Variants in ABCC9 observed in about 807,000 individuals in gnomAD.
ABCC9 encodes ATP-binding cassette sub-family C member 9.
Under a neutral mutation model 188.3 loss-of-function variants are expected in ABCC9, and 95 were observed. The ratio of observed to expected loss-of-function variants is 0.50; its 90% CI spans 0.43 to 0.60. The LOEUF (loss-of-function observed/expected upper bound fraction) is 0.60, where lower values mean the gene tolerates loss of function less well. Among genes scored for constraint, ABCC9 ranks in the 20% least tolerant of loss-of-function variants. The pLI is 0.00. For missense variants in ABCC9, 1,102 were observed against 1,876.3 expected, an observed-to-expected ratio of 0.59 and a Z score of 7.62; for synonymous variants, 659 against 652.7, an observed-to-expected ratio of 1.01 and a Z score of -0.15.
In ABCC9 at chr12:21,806,065, A is replaced by G; in HGVS notation, c.4450-5T>C. ...TACTTTTTGCAAAATATTCTCCTGC[A>G]AAAAAAAAAAAGTGTAAATTTTCTC... is the stretch of plus-strand genomic sequence containing the variant. On this transcript the variant is annotated splice_polypyrimidine_tract_variant and splice_region_variant and intron_variant, in intron 38 of 39. Transcript: ENST00000261200. The G allele has an allele frequency of 3.9e-6, 2 of 517,322 alleles. No individual in the cohort carries two copies. The highest frequency in any genetic ancestry group is 5.6e-6 in the Non-Finnish European group (2 of 356,784). The allele number at this position is 517,322 out of a possible 1,614,324, so 32.0% of individuals were successfully genotyped here. A position where few individuals can be genotyped will look rare whatever the true frequency, so the allele number is the denominator to read the frequency against.
chr12:21,903,007 C>G (rs1057318146), intron 12 of ABCC9, among the ~76,000 whole-genome samples: 23 of 152,148 alleles, frequency 1.5e-4, no homozygotes, highest in Non-Finnish European at 2.4e-4. Context: ...AATTTTAGAC[C>G]AATATCCCTG....
At chr12:21,855,214 T>C (rs964464341) in intron 22 of ABCC9, among the ~76,000 whole-genome samples, 2 of 152,090 alleles carry the variant, frequency 1.3e-5, no homozygotes, top group Admixed American at 6.6e-5. Context: ...CTGATATTTA[T>C]TTATTTATTT....
intron 17 of ABCC9, among the ~76,000 whole-genome samples, chr12:21,874,072 G>A (rs761316382): frequency 8.6e-5 from 13 of 151,938 alleles, no homozygotes; most frequent in Admixed American, 6.6e-4. Context: ...GGAGACCTAC[G>A]GGATGAGAGA....
Position 21,852,389 on chromosome 12 carries a change from C to T in ABCC9, c.2622G>A (p.Gln874=), listed in dbSNP as rs780938779. Residue 874 remains glutamine, a synonymous_variant, in exon 23 of 40, where the codon CAG becomes CAA. Coordinates refer to ENST00000261200, the MANE Select transcript of ABCC9 (RefSeq NM_020297.4). ...RTLVLVTHKL[Q]YLTHADWIIA... is the part of the protein sequence containing the mutation. Reference sequence around the variant, plus strand: ...TTACCCAGTCAGCATGCGTCAGATACTGTAATTTGTGAGTCACAAGAACGA... The same window carrying T: ...TTACCCAGTCAGCATGCGTCAGATATTGTAATTTGTGAGTCACAAGAACGA... The T allele has an allele frequency of 1.9e-6, 3 of 1,613,952 alleles. No individual in the cohort carries two copies. The highest frequency in any genetic ancestry group is 2.2e-5 in the East Asian group (1 of 44,852).
intron 31 of ABCC9, among the ~76,000 whole-genome samples, chr12:21,825,266 C>A (rs1943302013): frequency 6.6e-6 from 1 of 152,144 alleles, no homozygotes; most frequent in African/African-American, 2.4e-5. Context: ...CCAGAAATAC[C>A]ATTTGACCCA....
At chr12:21,830,582 G>C (rs373859461) in intron 30 of ABCC9, among the ~76,000 whole-genome samples, 1 of 152,196 alleles carries the variant, frequency 6.6e-6, no homozygotes, top group Non-Finnish European at 1.5e-5. Flanking sequence ...TATCCTGGGA[G>C]GGGTGTTCAT....
intron 29 of ABCC9, among the ~76,000 whole-genome samples, chr12:21,839,494 C>A (rs372100230): frequency 7.2e-5 from 11 of 152,146 alleles, no homozygotes; most frequent in African/African-American, 2.7e-4. Context: ...AAAACACAGA[C>A]ATATACTGAA....
chr12:21,860,675 G>C (rs1378388449), intron 21 of ABCC9, among the ~76,000 whole-genome samples: 2 of 152,172 alleles, frequency 1.3e-5, no homozygotes, highest in Non-Finnish European at 2.9e-5. Flanking sequence ...ATTACAGCAA[G>C]CTCCACGTAA....
chr12:21,888,821 A>G (rs1206723102), intron 14 of ABCC9, among the ~76,000 whole-genome samples: 1 of 152,150 alleles, frequency 6.6e-6, no homozygotes, highest in Non-Finnish European at 1.5e-5. Flanking sequence ...TGTAAACATC[A>G]TCCTAGAAAT....
chr12:21,864,848 C>T (rs1387211180), intron 18 of ABCC9, among the ~76,000 whole-genome samples: 1 of 152,094 alleles, frequency 6.6e-6, no homozygotes, highest in African/African-American at 2.4e-5. Flanking sequence ...GGCCTTCCAA[C>T]CTTTAAAATT....
At chr12:21,919,408 A>G (rs1032593593) in intron 5 of ABCC9, among the ~76,000 whole-genome samples, 3 of 151,978 alleles carry the variant, frequency 2.0e-5, no homozygotes, top group South Asian at 2.1e-4. Flanking sequence ...CATTATGACA[A>G]TATATCCAAA....
chr12:21,835,936 A>G (rs935809540), intron 30 of ABCC9, among the ~76,000 whole-genome samples: 7 of 152,110 alleles, frequency 4.6e-5, no homozygotes, highest in African/African-American at 1.7e-4. Flanking sequence ...ATCATCTTCA[A>G]TTTCCTAACT....
At position 21,912,962 on chromosome 12, in the gene ABCC9, A is replaced by G. The variant is rs2137891406; in HGVS notation, c.921T>C (p.Ala307=). ...ILLSSTFRYL[A]DLLGFAGPLC... is the part of the protein sequence containing the mutation. ...GAGGTCCAGCAAAACCCAGTAAATC[A>G]GCCAGATAGCGGAATGTGCTACTAA... The change falls in exon 8 of 40, where the codon GCT becomes GCC. Residue 307 remains alanine (A), a synonymous_variant. Coordinates refer to ENST00000261200, the MANE Select transcript of ABCC9 (RefSeq NM_020297.4). 1 of 1,613,748 alleles carries G rather than the reference A, an allele frequency of 6.2e-7. No homozygotes were observed. The highest frequency in any genetic ancestry group is 8.5e-7 in the Non-Finnish European group (1 of 1,179,760).
chr12:21,810,864 C>T (rs1942186955), intron 36 of ABCC9, among the ~76,000 whole-genome samples: 1 of 152,130 alleles, frequency 6.6e-6, no homozygotes, highest in Non-Finnish European at 1.5e-5. Flanking sequence ...ATCTTACATA[C>T]ATTTTTTCTT....
At chr12:21,911,588 A>G (rs1221928715) in intron 8 of ABCC9, among the ~76,000 whole-genome samples, 1 of 152,030 alleles carries the variant, frequency 6.6e-6, no homozygotes, top group Non-Finnish European at 1.5e-5. Flanking sequence ...GTTTGTAACA[A>G]TAGCATATGG....
intron 18 of ABCC9, 129 bp from the exon 19 acceptor site, chr12:21,864,606 A>C: frequency 1.4e-6 from 1 of 697,838 alleles, no homozygotes; most frequent in East Asian, 2.6e-5. Context: ...ATGGTTTCTG[A>C]TATTAATTTC....
Position 21,906,124 on chromosome 12 carries a change from A to C in ABCC9, c.1618+2T>G, listed in dbSNP as rs1273224034. The C allele has an allele frequency of 6.2e-7, 1 of 1,612,806 alleles. No homozygotes were observed. The highest frequency in any genetic ancestry group is 8.5e-7 in the Non-Finnish European group (1 of 1,179,026). The stretch of plus-strand genomic sequence containing the variant: ...CCTGTTCTTAGAGCAACAGCAACTT[A>C]CTGGAGAGTGATGTATATAGTGCAA... On this transcript the variant is annotated splice_donor_variant, in intron 12 of 39. Coordinates refer to ENST00000261200, the MANE Select transcript of ABCC9 (RefSeq NM_020297.4). LOFTEE classifies it high-confidence loss of function.
intron 32 of ABCC9, among the ~76,000 whole-genome samples, chr12:21,817,609 G>A (rs1448251941): frequency 6.6e-6 from 1 of 152,074 alleles, no homozygotes; most frequent in Non-Finnish European, 1.5e-5. Flanking sequence ...CACATTCATT[G>A]TAGGCTAGTC....
chr12:21,814,812 G>T, intron 34 of ABCC9, 90 bp from the exon 35 acceptor site: 3 of 965,374 alleles, frequency 3.1e-6, no homozygotes, highest in South Asian at 1.3e-5. Flanking sequence ...AAGATATTAT[G>T]ATAAAACTGT....
Sources: gnomAD v4.1 joint callset for allele counts (sites outside exome capture counted in the v4.1 genomes callset) on GRCh38, gnomAD v4.1.1 for gene constraint, MANE v1.5 for transcripts, NCBI Gene and HGNC (gene_info 2026-07-23, HGNC 2026-07-21) for gene names.